The following RAP1A variants were observed in gnomAD, a reference collection of about 807,000 sequenced individuals.
RAP1A encodes the protein ras-related protein Rap-1A.
In RAP1A, 6 loss-of-function variants were observed where a neutral mutation model predicts 26.4. The observed-to-expected ratio is 0.23, with a 90% CI of 0.12 to 0.45. The LOEUF is 0.45. RAP1A is among the 20% of genes least tolerant of loss of function. RAP1A has a pLI of 0.99. For synonymous variants in RAP1A, 73 were observed against 79.4 expected (o/e 0.92, Z 0.43); for missense variants, 121 against 217.2 (o/e 0.56, Z 2.78).
intron 1 of RAP1A, chr1:111,563,950 C>T (rs760053434): frequency 6.2e-7 from 1 of 1,612,622 alleles, no homozygotes; most frequent in Admixed American, 1.7e-5. Flanking sequence ...GAGACCCTTC[C>T]ATTGGTCCAA....
chr1:111,698,929 T>C (rs1156258400), intron 4 of RAP1A, among the ~76,000 whole-genome samples: 1 of 147,928 alleles, frequency 6.8e-6, no homozygotes, highest in African/African-American at 2.5e-5. Context: ...ATAGCTAAAA[T>C]GAATACTTTC....
chr1:111,652,833 A>G (rs1285126234), intron 1 of RAP1A, among the ~76,000 whole-genome samples: 1 of 152,200 alleles, frequency 6.6e-6, no homozygotes, highest in Non-Finnish European at 1.5e-5. Context: ...AGTTAAACAT[A>G]TGCTAAAGAG....
chr1:111,592,401 C>T (rs1184420797), intron 1 of RAP1A, among the ~76,000 whole-genome samples: 3 of 152,324 alleles, frequency 2.0e-5, no homozygotes, highest in Non-Finnish European at 2.9e-5. Flanking sequence ...AGCCACTTAA[C>T]CCCAGATATT....
intron 1 of RAP1A, among the ~76,000 whole-genome samples, chr1:111,571,874 A>G (rs901250654): frequency 2.0e-5 from 3 of 152,226 alleles, no homozygotes; most frequent in African/African-American, 7.2e-5. Flanking sequence ...TAATTTAAAA[A>G]GGCTAAATTT....
intron 1 of RAP1A, among the ~76,000 whole-genome samples, chr1:111,678,074 A>T (rs1311091418): frequency 6.6e-6 from 1 of 152,238 alleles, no homozygotes; most frequent in Non-Finnish European, 1.5e-5. Flanking sequence ...AAATCAGATA[A>T]TATAAGACTT....
In RAP1A at chr1:111,621,369, TTC is replaced by T. The variant is rs566091138; in HGVS notation, c.-28+1437_-28+1438del. Reference sequence around the variant, plus strand: ...TAAGCATTAAATTAGGCCCCAGACTTTCTGTCTTTATTATGCTTTCCTATAAC... The same window carrying T: ...TAAGCATTAAATTAGGCCCCAGACTTTGTCTTTATTATGCTTTCCTATAAC... On this transcript the variant is annotated intron_variant, in intron 1 of 7. Coordinates refer to ENST00000369709, the MANE Select transcript of RAP1A (RefSeq NM_002884.4). Among the ~76,000 whole-genome samples, 13 of 152,342 alleles carry T rather than the reference TTC, an allele frequency of 8.5e-5. No homozygotes were observed. The South Asian group carries it at 2.1e-3, about 24-fold the overall frequency.
At chr1:111,610,902 C>T (rs1342964994) in intron 1 of RAP1A, among the ~76,000 whole-genome samples, 1 of 152,164 alleles carries the variant, frequency 6.6e-6, no homozygotes, top group Admixed American at 6.5e-5. Flanking sequence ...AGGTAGTATT[C>T]CCATTTTATA....
chr1:111,592,257 T>G (rs904416884), intron 1 of RAP1A, among the ~76,000 whole-genome samples: 1 of 152,130 alleles, frequency 6.6e-6, no homozygotes. Flanking sequence ...GGAGAACAAT[T>G]TAAGGAAAAT....
At chr1:111,619,645 G>C (rs1269146531), upstream of RAP1A, 10 of 390,512 alleles carry the variant, frequency 2.6e-5, no homozygotes, top group Admixed American at 8.9e-5. Context: ...CCCGGCTCCA[G>C]TGTGCGCGGC....
At chr1:111,623,651 C>T (rs190355786) in intron 1 of RAP1A, among the ~76,000 whole-genome samples, 344 of 152,244 alleles carry the variant, frequency 2.3e-3, no homozygotes, top group Non-Finnish European at 3.8e-3. Context: ...CCTCATGATC[C>T]GCCCGCCTCA....
chr1:111,656,228 G>A (rs1023702245), intron 1 of RAP1A, among the ~76,000 whole-genome samples: 1 of 151,986 alleles, frequency 6.6e-6, no homozygotes, highest in Non-Finnish European at 1.5e-5. Flanking sequence ...TAATATCGGC[G>A]GGGGTGGGGG....
At position 111,574,229 on chromosome 1, in the gene RAP1A, C is replaced by T. The variant is rs114189847; in HGVS notation, c.-28+31720C>T. Among the ~76,000 whole-genome samples the T allele has an allele frequency of 9.5e-3, 1,453 of 152,276 alleles. 21 individuals carry two copies. Among genetic ancestry groups the T allele is most frequent in the Non-Finnish European group, 9.6e-3 (651 of 68,012 alleles). On this transcript the variant is annotated intron_variant, in intron 1 of 7. Coordinates refer to the RAP1A transcript ENST00000356415. ...TGAATAAGGAGCCCTTTCCTCATTG[C>T]TTGTTTTTGTCAGCTTTGTCGAAGA... is the stretch of plus-strand genomic sequence containing the variant.
rs578032717 is a variant in RAP1A at position 111,566,494 on chromosome 1, G to A, written c.-28+23985G>A. Among the ~76,000 whole-genome samples the A allele has an allele frequency of 8.5e-5, 13 of 152,266 alleles. No homozygotes were observed. The South Asian group carries it at 1.2e-3, about 15-fold the overall frequency. ...AATGACTGAGCTCCTAAAGGGATGC[G>A]GGGTGTGAGGGCTGACTTCAGTGGC... On this transcript the variant is annotated intron_variant, in intron 1 of 7. Transcript: ENST00000356415.
chr1:111,675,531 C>T (rs1463611581), intron 1 of RAP1A, among the ~76,000 whole-genome samples: 1 of 152,142 alleles, frequency 6.6e-6, no homozygotes, highest in East Asian at 1.9e-4. Context: ...CCTTCCCTAG[C>T]CCATTAATTT....
chr1:111,639,166 T>C (rs1319537551), intron 1 of RAP1A, among the ~76,000 whole-genome samples: 1 of 152,190 alleles, frequency 6.6e-6, no homozygotes, highest in Non-Finnish European at 1.5e-5. Context: ...GGTAATGTGT[T>C]TAGTTTAGGT....
At chr1:111,637,786 A>C (rs1235903229) in intron 1 of RAP1A, among the ~76,000 whole-genome samples, 2 of 152,164 alleles carry the variant, frequency 1.3e-5, no homozygotes, top group African/African-American at 4.8e-5. Context: ...GTAGTATGTG[A>C]ATTTGCCATC....
intron 1 of RAP1A, among the ~76,000 whole-genome samples, chr1:111,688,830 T>C (rs11802174): frequency 1.0e-5 from 1 of 99,190 alleles, no homozygotes; most frequent in African/African-American, 3.8e-5. Flanking sequence ...TTGTTTTTTT[T>C]TTTGTTTTTT....
chr1:111,675,523 T>G (rs530586279), intron 1 of RAP1A, among the ~76,000 whole-genome samples: 1 of 152,272 alleles, frequency 6.6e-6, no homozygotes, highest in African/African-American at 2.4e-5. Context: ...TCGTCCATCC[T>G]TCCCTAGCCC....
chr1:111,638,005 C>T (rs899294254), intron 1 of RAP1A, among the ~76,000 whole-genome samples: 1 of 151,834 alleles, frequency 6.6e-6, no homozygotes, highest in Non-Finnish European at 1.5e-5. Flanking sequence ...GGACAGCCAC[C>T]ATCAAAATCA....
Sources: allele counts gnomAD v4.1 joint callset (sites outside exome capture counted in the v4.1 genomes callset), GRCh38; gene constraint gnomAD v4.1.1; transcripts MANE v1.5; gene names NCBI Gene and HGNC (gene_info 2026-07-23, HGNC 2026-07-21).